The following SNX29 variants were observed in gnomAD, a reference collection of about 807,000 sequenced individuals.
SNX29 encodes sorting nexin-29.
In SNX29, 78 loss-of-function variants were observed where a neutral mutation model predicts 102.1. The ratio of observed to expected loss-of-function variants is 0.76; its 90% CI spans 0.64 to 0.92. The LOEUF (loss-of-function observed/expected upper bound fraction) is 0.92. Among genes scored for constraint, SNX29 ranks in the 40% least tolerant of loss-of-function variants. SNX29 has a pLI of 0.00. For missense variants in SNX29, 1,280 were observed against 1,061.7 expected, an observed-to-expected ratio of 1.21 and a Z score of -2.86; for synonymous variants, 580 against 414.5, an observed-to-expected ratio of 1.40 and a Z score of -4.85.
chr16:12,364,857 A>G (rs1029888903), intron 16 of SNX29, among the ~76,000 whole-genome samples: 1 of 152,108 alleles, frequency 6.6e-6, no homozygotes, highest in African/African-American at 2.4e-5. Context: ...CCAAGCATCC[A>G]TGCTGTCGGC....
At chr16:12,558,390 A>T (rs780702290) in intron 20 of SNX29, among the ~76,000 whole-genome samples, 1 of 152,074 alleles carries the variant, frequency 6.6e-6, no homozygotes, top group African/African-American at 2.4e-5. Flanking sequence ...TTTTACATAG[A>T]GTGATATGTT....
rs138917966 is a variant in SNX29, at chr16:12,464,229, C to CGTGTGTGTGTGTGTGTGTGTGTGT, written c.2038-13474_2038-13473insGTGTGTGTGTGTGTGTGTGTGTGT. ...TTTATGGCTGAATATTATTCCATGG[C>CGTGTGTGTGTGTGTGTGTGTGTGT]GTGTGTGTGTGTGTGTACCACATAT... On this transcript the variant is annotated intron_variant, in intron 18 of 20. Coordinates refer to ENST00000566228, the MANE Select transcript of SNX29 (RefSeq NM_032167.5). Among the ~76,000 whole-genome samples the CGTGTGTGTGTGTGTGTGTGTGTGT allele has an allele frequency of 3.5e-4, 49 of 141,048 alleles. 1 individual carries two copies. In the East Asian group the frequency reaches 4.9e-3, roughly 14 times the overall value. The allele number at this position is 141,048 out of a possible 152,430, so 92.5% of individuals were successfully genotyped here. A position where few individuals can be genotyped will look rare whatever the true frequency, so the allele number is the denominator to read the frequency against.
chr16:12,333,106 ATTTT>A (rs34047585), intron 15 of SNX29, among the ~76,000 whole-genome samples: 1 of 135,782 alleles, frequency 7.4e-6, no homozygotes, highest in African/African-American at 2.8e-5. Context: ...CAATCAGTTA[ATTTT>A]TTTTTTTTTT....
intron 11 of SNX29, among the ~76,000 whole-genome samples, chr16:12,106,380 C>T (rs1300127046): frequency 6.6e-6 from 1 of 152,132 alleles, no homozygotes; most frequent in Non-Finnish European, 1.5e-5. Flanking sequence ...GGTGCCATTA[C>T]ATTTCAGATG....
intron 19 of SNX29, among the ~76,000 whole-genome samples, chr16:12,480,875 GTTGT>G (rs1296746760): frequency 2.0e-5 from 3 of 152,110 alleles, no homozygotes; most frequent in African/African-American, 4.8e-5. Flanking sequence ...TTTTGTTGTT[GTTGT>G]TTGTTTGGTT....
intron 18 of SNX29, among the ~76,000 whole-genome samples, chr16:12,465,792 T>G (rs2151772485): frequency 6.6e-6 from 1 of 152,260 alleles, no homozygotes; most frequent in East Asian, 1.9e-4. Context: ...TTTAACAATA[T>G]TATTTCTTCT....
At chr16:12,300,150 G>A (rs956241115) in intron 15 of SNX29, among the ~76,000 whole-genome samples, 2 of 152,234 alleles carry the variant, frequency 1.3e-5, no homozygotes, top group Non-Finnish European at 2.9e-5. Context: ...GAGGTTACAC[G>A]TGTGAGCCCC....
intron 7 of SNX29, among the ~76,000 whole-genome samples, chr16:12,051,303 TG>T (rs2050289523): frequency 6.8e-6 from 1 of 146,682 alleles, no homozygotes; most frequent in African/African-American, 2.6e-5. Context: ...TACTCCAGCC[TG>T]GGCAATAGAG....
chr16:12,570,097 C>G lies in SNX29; in HGVS notation c.*1468C>G. 1 of 949,442 alleles carries G rather than the reference C, an allele frequency of 1.1e-6. No individual in the cohort carries two copies. Among genetic ancestry groups the G allele is most frequent in the Non-Finnish European group, 1.3e-6 (1 of 774,228 alleles). The allele number at this position is 949,442 out of a possible 1,614,324, so 58.8% of individuals were successfully genotyped here. ...GAAGGTTTATACTGTGCCTTCCCCT[C>G]GTAGCAAAAAGGAAGATTGTTCATG... On this transcript the variant is annotated 3_prime_UTR_variant, in exon 21 of 21. Transcript: ENST00000566228.
intron 16 of SNX29, among the ~76,000 whole-genome samples, chr16:12,365,593 G>C (rs943359058): frequency 6.6e-6 from 1 of 151,776 alleles, no homozygotes; most frequent in African/African-American, 2.4e-5. Context: ...GGGAGGCTGA[G>C]GCAGGAGAAT....
At chr16:12,070,765 A>C (rs1214073410) in intron 10 of SNX29, among the ~76,000 whole-genome samples, 2 of 152,130 alleles carry the variant, frequency 1.3e-5, no homozygotes, top group African/African-American at 4.8e-5. Flanking sequence ...TGACTTCCAC[A>C]ATGGTTGAAT....
At chr16:12,154,011 A>G (rs2055421190) in intron 13 of SNX29, among the ~76,000 whole-genome samples, 1 of 152,186 alleles carries the variant, frequency 6.6e-6, no homozygotes, top group African/African-American at 2.4e-5. Context: ...TTATTGGGGA[A>G]TGTTCTATTA....
At chr16:12,540,417 A>G (rs942034698) in intron 20 of SNX29, among the ~76,000 whole-genome samples, 3 of 152,186 alleles carry the variant, frequency 2.0e-5, no homozygotes, top group South Asian at 2.1e-4. Flanking sequence ...AAAACTACAG[A>G]TTTATTCTCC....
At chr16:12,497,862 T>TC (rs1275871592) in intron 19 of SNX29, among the ~76,000 whole-genome samples, 14 of 152,188 alleles carry the variant, frequency 9.2e-5, no homozygotes, top group Admixed American at 6.5e-4. Context: ...CTCCTGCCTG[T>TC]CCCAGGACCA....
intron 18 of SNX29, among the ~76,000 whole-genome samples, chr16:12,448,148 G>T (rs1326258185): frequency 3.3e-5 from 5 of 152,156 alleles, no homozygotes; most frequent in African/African-American, 1.2e-4. Context: ...AAGTTCAGAG[G>T]GGTTAAGCAA....
chr16:12,248,990 G>C (rs1417743783), intron 14 of SNX29, among the ~76,000 whole-genome samples: 1 of 152,152 alleles, frequency 6.6e-6, no homozygotes, highest in South Asian at 2.1e-4. Context: ...TGCGGTGCTG[G>C]GTCCACATGA....
At chr16:12,472,131 A>G (rs1011410014) in intron 18 of SNX29, among the ~76,000 whole-genome samples, 2 of 152,254 alleles carry the variant, frequency 1.3e-5, no homozygotes, top group African/African-American at 2.4e-5. Context: ...CATGAGGGCC[A>G]TACACAGAAA....
At chr16:12,425,546 AAAAAAAAT>A (rs1567550102) in intron 18 of SNX29, among the ~76,000 whole-genome samples, 32 of 35,348 alleles carry the variant, frequency 9.1e-4, no homozygotes, top group African/African-American at 2.0e-3. Flanking sequence ...AAAAAAAAAT[AAAAAAAAT>A]AAAAAGAGGG....
intron 14 of SNX29, among the ~76,000 whole-genome samples, chr16:12,225,919 C>A (rs1055917453): frequency 6.6e-6 from 1 of 152,172 alleles, no homozygotes; most frequent in Non-Finnish European, 1.5e-5. Flanking sequence ...TTTTAACTAA[C>A]CCCAGTAAGA....
Sources: gnomAD v4.1 joint callset for allele counts (sites outside exome capture counted in the v4.1 genomes callset) on GRCh38, gnomAD v4.1.1 for gene constraint, MANE v1.5 for transcripts, NCBI Gene and HGNC (gene_info 2026-07-23, HGNC 2026-07-21) for gene names.